The following OTOGL variants were observed in gnomAD, a reference collection of about 807,000 sequenced individuals.
OTOGL encodes the protein otogelin-like protein.
Under a neutral mutation model 318.5 loss-of-function variants are expected in OTOGL, and 285 were observed. That is an observed-to-expected ratio of 0.89 (90% CI 0.81 to 0.99). The LOEUF is 0.99. Among genes scored for constraint, OTOGL ranks in the 50% least tolerant of loss-of-function variants. OTOGL has a pLI of 0.00. For missense variants in OTOGL, 2,899 were observed against 2,845.6 expected (o/e 1.02, Z -0.43); for synonymous variants, 987 against 936.5 (o/e 1.05, Z -0.99).
Position 80,211,983 on chromosome 12 carries a change from C to G in OTOGL, c.154C>G (p.Leu52Val). The G allele has an allele frequency of 5.7e-6, 9 of 1,577,398 alleles. No homozygotes were observed. Among genetic ancestry groups the G allele is most frequent in the Non-Finnish European group, 7.7e-6 (9 of 1,168,204 alleles). Residue 52 changes from leucine to valine, a missense_variant, in exon 4 of 59, where the codon CTT becomes GTT. Physicochemically the swap from Leu to Val is conservative, Grantham distance 32. Transcript: ENST00000547103. The stretch of plus-strand genomic sequence containing the variant: ...TAATGAAAATCGACAGAAAAGAGCT[C>G]TTTTAGCAGCACAGGTAGGTTATGC... The part of the protein sequence containing the change: ...GFNENRQKRA[L>V]LAAQFEATSP...
intron 4 of OTOGL, among the ~76,000 whole-genome samples, chr12:80,216,977 G>GA (rs926570355): frequency 1.0e-3 from 152 of 151,074 alleles, no homozygotes; most frequent in African/African-American, 3.5e-3. Context: ...AAGAAAGAAA[G>GA]AAAAAAAAAT....
chr12:80,249,434 T>G (rs1458726964), intron 11 of OTOGL, among the ~76,000 whole-genome samples: 1 of 151,344 alleles, frequency 6.6e-6, no homozygotes, highest in Non-Finnish European at 1.5e-5. Flanking sequence ...GTGTGAGGTG[T>G]CAGTGTGCCC....
chr12:80,188,083 T>C (rs1335180268), intron 1 of OTOGL, among the ~76,000 whole-genome samples: 1 of 152,130 alleles, frequency 6.6e-6, no homozygotes, highest in African/African-American at 2.4e-5. Flanking sequence ...TTCTTTTTAA[T>C]TGTCAATGAT....
chr12:80,297,209 C>A (rs941946101), intron 27 of OTOGL, among the ~76,000 whole-genome samples: 1 of 149,934 alleles, frequency 6.7e-6, no homozygotes, highest in Non-Finnish European at 1.5e-5. Context: ...CCCTTGCAAC[C>A]CCCACCTATT....
intron 38 of OTOGL, among the ~76,000 whole-genome samples, chr12:80,335,227 T>C (rs986110743): frequency 1.3e-5 from 2 of 152,132 alleles, no homozygotes; most frequent in Admixed American, 1.3e-4. Flanking sequence ...ACTTAGATGC[T>C]GACTCTACTA....
rs1268202009 is a variant in OTOGL, at chr12:80,342,158, A to T, written c.5261A>T (p.Asp1754Val). ...LNRRIFIPCH[D>V]KVSPEDFCEK... Reference sequence around the variant, plus strand: ...AGAAGAATTTTCATTCCATGTCATGATAAAGTAAGTTGGAAGCAACCATAA... The same window carrying T: ...AGAAGAATTTTCATTCCATGTCATGTTAAAGTAAGTTGGAAGCAACCATAA... Residue 1754 changes from aspartate (D) to valine (V), a missense_variant, in exon 44 of 59, where the codon GAT (aspartate) becomes GTT (valine). Physicochemically the swap from Asp to Val is radical, Grantham distance 152 (BLOSUM62 -3). Around this residue, in one of 3 missense-constraint regions of OTOGL, gnomAD observed 2,607 missense variants for 2,524.9 expected, o/e 1.03. Coordinates refer to ENST00000547103, the MANE Select transcript of OTOGL (RefSeq NM_001378609.3). The T allele has an allele frequency of 1.3e-6, 2 of 1,565,786 alleles. No individual in the cohort carries two copies. Among genetic ancestry groups the T allele is most frequent in the Admixed American group, 1.9e-5 (1 of 53,470 alleles).
intron 28 of OTOGL, among the ~76,000 whole-genome samples, chr12:80,305,215 T>C (rs1043463951): frequency 2.6e-5 from 4 of 152,182 alleles, no homozygotes; most frequent in Non-Finnish European, 5.9e-5. Flanking sequence ...TATATACACA[T>C]GAATTCTGTG....
At chr12:80,337,127 A>G in intron 42 of OTOGL, 123 bp downstream of exon 42, 1 of 710,734 alleles carries the variant, frequency 1.4e-6, no homozygotes, top group Admixed American at 2.9e-5. Context: ...TATAGTAATC[A>G]TTTCATAGAC....
chr12:80,260,588 T>A (rs1241177839), intron 18 of OTOGL, among the ~76,000 whole-genome samples: 2 of 152,192 alleles, frequency 1.3e-5, no homozygotes, highest in Non-Finnish European at 2.9e-5. Context: ...CAAAGGTTAA[T>A]GTGAATATGC....
intron 24 of OTOGL, among the ~76,000 whole-genome samples, chr12:80,276,378 T>A (rs1473804626): frequency 6.6e-6 from 1 of 151,808 alleles, no homozygotes; most frequent in Non-Finnish European, 1.5e-5. Context: ...AATAGTGCCT[T>A]GCCATAGTAA....
intron 1 of OTOGL, among the ~76,000 whole-genome samples, chr12:80,168,864 A>T (rs1211846497): frequency 1.3e-5 from 2 of 152,188 alleles, no homozygotes; most frequent in Non-Finnish European, 2.9e-5. Flanking sequence ...ATGAGTATGT[A>T]TCTGTAGCAG....
At chr12:80,144,208 C>A (rs932779146) in intron 1 of OTOGL, among the ~76,000 whole-genome samples, 1 of 152,054 alleles carries the variant, frequency 6.6e-6, no homozygotes, top group Non-Finnish European at 1.5e-5. Context: ...CCTTCCCACT[C>A]CCCCCACCCC....
intron 26 of OTOGL, among the ~76,000 whole-genome samples, chr12:80,283,385 T>C (rs900136002): frequency 6.6e-6 from 1 of 151,998 alleles, no homozygotes; most frequent in African/African-American, 2.4e-5. Flanking sequence ...GTGTACTTTC[T>C]GTGTCTGATT....
chr12:80,118,536 A>T (rs1254230134), intron 1 of OTOGL, among the ~76,000 whole-genome samples: 1 of 152,178 alleles, frequency 6.6e-6, no homozygotes, highest in Non-Finnish European at 1.5e-5. Context: ...ATACTTACAA[A>T]ATGTAGTAAA....
chr12:80,214,684 G>C (rs1434081749), intron 4 of OTOGL, among the ~76,000 whole-genome samples: 1 of 152,076 alleles, frequency 6.6e-6, no homozygotes, highest in Non-Finnish European at 1.5e-5. Context: ...ATTTGTTGAT[G>C]ACATACCAAG....
rs761665276 is a variant in OTOGL, at chr12:80,222,161, T to A, written c.405T>A (p.Asp135Glu). 6 of 1,597,538 alleles carry A rather than the reference T, an allele frequency of 3.8e-6. No individual in the cohort carries two copies. The Admixed American group carries it at 1.0e-4, about 27-fold the overall frequency. The change falls in exon 7 of 59, where the codon GAT becomes GAA. Residue 135 changes from aspartate (D) to glutamate (E), a missense_variant. Physicochemically the swap from Asp to Glu is conservative, Grantham distance 45 (BLOSUM62 2). This residue lies in a region of OTOGL where 2,607 missense variants were observed against 2,524.9 expected (regional missense o/e 1.03). Coordinates refer to ENST00000547103, the MANE Select transcript of OTOGL (RefSeq NM_001378609.3). ...GACAGTATCATTTTGAAACATTCGA[T>A]GGCATCTACTATTACTTCCCAGGAA... is the stretch of plus-strand genomic sequence containing the variant. ...TWGQYHFETFDGIYYYFPGNC... is the reference protein window; with the variant it reads ...TWGQYHFETFEGIYYYFPGNC...
chr12:80,130,120 T>C (rs1871146647), intron 1 of OTOGL, among the ~76,000 whole-genome samples: 1 of 152,192 alleles, frequency 6.6e-6, no homozygotes, highest in Non-Finnish European at 1.5e-5. Flanking sequence ...TTGTATTCAG[T>C]TTTTTCCTCA....
At chr12:80,145,159 A>G (rs1156697599) in intron 1 of OTOGL, among the ~76,000 whole-genome samples, 1 of 150,936 alleles carries the variant, frequency 6.6e-6, no homozygotes, top group African/African-American at 2.5e-5. Context: ...GGTATTGCCT[A>G]GGTTTTCTTC....
At chr12:80,242,390 A>T (rs1265566701) in intron 11 of OTOGL, among the ~76,000 whole-genome samples, 6 of 152,148 alleles carry the variant, frequency 3.9e-5, no homozygotes, top group African/African-American at 1.4e-4. Context: ...ATGTAATAAC[A>T]AAGGAAGGAC....
Sources: gnomAD v4.1 joint callset for allele counts (sites outside exome capture counted in the v4.1 genomes callset) on GRCh38, gnomAD v4.1.1 for gene constraint, gnomAD v4.1.1 regional missense constraint, MANE v1.5 for transcripts, NCBI Gene and HGNC (gene_info 2026-07-23, HGNC 2026-07-21) for gene names.